Variants in SFMBT2 observed in about 807,000 individuals in gnomAD.
The protein encoded by SFMBT2 is scm-like with four MBT domains protein 2.
SFMBT2 carries 38 observed loss-of-function variants against 110.1 expected under a neutral mutation model. The observed-to-expected ratio is 0.35, with a 90% confidence interval of 0.27 to 0.45. The LOEUF (loss-of-function observed/expected upper bound fraction) is 0.45, where lower values mean the gene tolerates loss of function less well. Ranked by LOEUF, SFMBT2 falls within the 20% of genes least tolerant of loss-of-function variation. SFMBT2 has a pLI of 1.00. For synonymous variants in SFMBT2, 425 were observed against 425.4 expected (o/e 1.00, Z 0.01); for missense variants, 1,011 against 1,094.9 (o/e 0.92, Z 1.08).
chr10:7,276,165 A>T (rs1164486543), intron 7 of SFMBT2, among the ~76,000 whole-genome samples: 1 of 152,232 alleles, frequency 6.6e-6, no homozygotes, highest in Non-Finnish European at 1.5e-5. Flanking sequence ...GCATTTCACA[A>T]GCCCTTCATT....
intron 2 of SFMBT2, among the ~76,000 whole-genome samples, chr10:7,376,095 G>A (rs1219232671): frequency 3.9e-5 from 6 of 152,208 alleles, no homozygotes; most frequent in South Asian, 4.2e-4. Context: ...GAAATTTCAC[G>A]TCGCAAGCCT....
chr10:7,264,879 A>G (rs2131786315), intron 7 of SFMBT2, among the ~76,000 whole-genome samples: 1 of 151,662 alleles, frequency 6.6e-6, no homozygotes, highest in East Asian at 1.9e-4. Context: ...AACAGTATAC[A>G]GTAGCAGGTT....
intron 15 of SFMBT2, among the ~76,000 whole-genome samples, chr10:7,189,533 A>G (rs1254924582): frequency 1.3e-5 from 2 of 152,358 alleles, no homozygotes; most frequent in African/African-American, 2.4e-5. Context: ...ATCATCATTA[A>G]TGATTAACAT....
At chr10:7,206,298 T>C (rs998991973) in intron 11 of SFMBT2, 2 of 985,228 alleles carry the variant, frequency 2.0e-6, no homozygotes, top group African/African-American at 3.5e-5. Context: ...AGAACAGCTC[T>C]GGGGTTAAGG....
intron 11 of SFMBT2, chr10:7,206,793 C>A (rs1333445363): frequency 6.7e-6 from 6 of 896,994 alleles, no homozygotes. Context: ...GAAGAAAATT[C>A]GACACCAAAT....
chr10:7,254,673 C>CA (rs1200753798), intron 7 of SFMBT2, among the ~76,000 whole-genome samples: 2 of 151,866 alleles, frequency 1.3e-5, no homozygotes, highest in African/African-American at 4.8e-5. Flanking sequence ...AAAAAAAATA[C>CA]AAAAATTAGC....
chr10:7,350,132 A>G (rs950347936), intron 4 of SFMBT2, among the ~76,000 whole-genome samples: 1 of 151,340 alleles, frequency 6.6e-6, no homozygotes, highest in Non-Finnish European at 1.5e-5. Context: ...GGCAAAGTCA[A>G]CCTTGATCCT....
chr10:7,176,360 C>G, intron 16 of SFMBT2, 195 bp from the exon 17 acceptor site: 1 of 618,170 alleles, frequency 1.6e-6, no homozygotes. Context: ...ACAAATGTGT[C>G]GTAACAGTGC....
chr10:7,351,090 T>C (rs944757809), intron 4 of SFMBT2, among the ~76,000 whole-genome samples: 3 of 152,250 alleles, frequency 2.0e-5, no homozygotes, highest in Non-Finnish European at 4.4e-5. Flanking sequence ...TGTCTTCTCA[T>C]GCTTCTAATT....
intron 11 of SFMBT2, among the ~76,000 whole-genome samples, chr10:7,214,166 C>T (rs542653628): frequency 6.6e-6 from 1 of 152,206 alleles, no homozygotes; most frequent in Non-Finnish European, 1.5e-5. Context: ...AAACAACCAA[C>T]CAAAGCAGGA....
chr10:7,289,838 A>C (rs895724639), intron 4 of SFMBT2, among the ~76,000 whole-genome samples: 1 of 152,242 alleles, frequency 6.6e-6, no homozygotes, highest in African/African-American at 2.4e-5. Context: ...ATTCAGTTAA[A>C]TTCTGGTAAA....
intron 4 of SFMBT2, among the ~76,000 whole-genome samples, chr10:7,291,705 G>C (rs1041412596): frequency 6.6e-6 from 1 of 152,218 alleles, no homozygotes; most frequent in Non-Finnish European, 1.5e-5. Flanking sequence ...GTGGGCATGG[G>C]AGTAATTCCC....
At chr10:7,241,606 TA>T (rs1339931901) in intron 9 of SFMBT2, among the ~76,000 whole-genome samples, 2 of 152,160 alleles carry the variant, frequency 1.3e-5, no homozygotes, top group African/African-American at 4.8e-5. Flanking sequence ...GCTTAAAATA[TA>T]AAAATATTTA....
intron 4 of SFMBT2, among the ~76,000 whole-genome samples, chr10:7,357,008 C>A (rs1167540388): frequency 6.6e-6 from 1 of 152,188 alleles, no homozygotes; most frequent in Non-Finnish European, 1.5e-5. Flanking sequence ...TAAAGATAAT[C>A]CATGCATTTA....
intron 8 of SFMBT2, chr10:7,244,333 C>T (rs1840537644): frequency 5.0e-6 from 1 of 201,870 alleles, no homozygotes; most frequent in Admixed American, 6.5e-5. Context: ...ATAAACCGCC[C>T]TCACTCTGCG....
chr10:7,338,393 A>T (rs1476448826), intron 4 of SFMBT2, among the ~76,000 whole-genome samples: 1 of 152,190 alleles, frequency 6.6e-6, no homozygotes, highest in East Asian at 1.9e-4. Context: ...CTACCAAAAC[A>T]CTACTGTTGA....
intron 20 of SFMBT2, among the ~76,000 whole-genome samples, chr10:7,166,700 A>C (rs1181580127): frequency 1.3e-5 from 2 of 152,214 alleles, no homozygotes; most frequent in Non-Finnish European, 2.9e-5. Context: ...AGCCAGTCTT[A>C]TAGGGGTGCT....
At chr10:7,242,668 T>A (rs1840472471) in intron 9 of SFMBT2, among the ~76,000 whole-genome samples, 1 of 151,944 alleles carries the variant, frequency 6.6e-6, no homozygotes. Flanking sequence ...CCCAGCAGAG[T>A]ACAGTCATAG....
intron 17 of SFMBT2, among the ~76,000 whole-genome samples, chr10:7,174,703 G>A (rs1052256239): frequency 5.3e-5 from 8 of 152,222 alleles, no homozygotes; most frequent in South Asian, 2.1e-4. Context: ...CACCGTACAC[G>A]GCAAAGGCGA....
Sources: gnomAD v4.1 joint callset for allele counts (sites outside exome capture counted in the v4.1 genomes callset) on GRCh38, gnomAD v4.1.1 for gene constraint, MANE v1.5 for transcripts, NCBI Gene and HGNC (gene_info 2026-07-23, HGNC 2026-07-21) for gene names.